GIGYF2: variants seen among roughly 807,000 people sequenced by gnomAD.
GIGYF2 encodes the protein GRB10-interacting GYF protein 2.
In GIGYF2, 25 loss-of-function variants were observed where a neutral mutation model predicts 208.1. That is an observed-to-expected ratio of 0.12 (90% CI 0.09 to 0.17). The LOEUF is 0.17. Ranked by LOEUF, GIGYF2 falls within the 10% of genes least tolerant of loss-of-function variation. The probability of loss-of-function intolerance (pLI) is 1.00; values close to 1 mark genes in which losing one functional copy is unlikely to be tolerated. For missense variants in GIGYF2, 1,302 were observed against 1,579.4 expected (o/e 0.82, Z 2.98); for synonymous variants, 534 against 543.8 (o/e 0.98, Z 0.25).
chr2:232,822,320 C>T (rs1037516455), intron 21 of GIGYF2, among the ~76,000 whole-genome samples: 4 of 152,134 alleles, frequency 2.6e-5, no homozygotes, highest in African/African-American at 9.7e-5. Context: ...TTTCGTTATA[C>T]AGGTTATGTA....
intron 9 of GIGYF2, chr2:232,788,384 T>C: frequency 4.3e-6 from 1 of 231,726 alleles, no homozygotes; most frequent in Non-Finnish European, 9.4e-6. Context: ...GTGGGCATTG[T>C]TTACATCACA....
chr2:232,745,499 T>C lies in GIGYF2; in HGVS notation c.42-2116T>C, dbSNP rs562210824. ...TTAATAATTGCTGTGAATTGAAATATATTAATAAAATAATGTGTTACTGTT... is the reference window on the plus strand; with the variant it reads ...TTAATAATTGCTGTGAATTGAAATACATTAATAAAATAATGTGTTACTGTT... On this transcript the variant is annotated intron_variant, in intron 3 of 28. Transcript: ENST00000373563. 2.0e-5 allele frequency among the ~76,000 whole-genome samples: 3 copies of C among 152,328 alleles called. No homozygotes were observed. The South Asian group carries it at 6.2e-4, about 32-fold the overall frequency.
chr2:232,720,040 A>G (rs1696866438), intron 2 of GIGYF2, among the ~76,000 whole-genome samples: 1 of 152,150 alleles, frequency 6.6e-6, no homozygotes, highest in Non-Finnish European at 1.5e-5. Flanking sequence ...GGTTTTCTGC[A>G]CCCATTAACT....
At chr2:232,745,509 A>G (rs1698118800) in intron 3 of GIGYF2, among the ~76,000 whole-genome samples, 2 of 152,216 alleles carry the variant, frequency 1.3e-5, no homozygotes, top group African/African-American at 4.8e-5. Flanking sequence ...TATTAATAAA[A>G]TAATGTGTTA....
In GIGYF2 at chr2:232,850,449, G is replaced by A. The variant is rs1246913778; in HGVS notation, c.3832+40G>A. On this transcript the variant is annotated intron_variant, in intron 28 of 28. Transcript: ENST00000373563. ...AGTCTCAGCTGAGTGTTGGAGGAGT[G>A]CAGGTGATACCAGTTATCCTGTGTG... is the stretch of plus-strand genomic sequence containing the variant. 1.5e-5 allele frequency: 24 copies of A among 1,574,250 alleles called. 1 individual carries two copies. The highest frequency in any genetic ancestry group is 2.0e-5 in the Non-Finnish European group (23 of 1,143,878).
intron 9 of GIGYF2, among the ~76,000 whole-genome samples, chr2:232,787,755 T>C (rs1276843799): frequency 6.6e-6 from 1 of 152,232 alleles, no homozygotes; most frequent in Admixed American, 6.5e-5. Context: ...ATTTTTTCCC[T>C]TTTGAAAATG....
chr2:232,774,054 G>C (rs1213464238), intron 8 of GIGYF2, among the ~76,000 whole-genome samples: 2 of 151,930 alleles, frequency 1.3e-5, no homozygotes. Flanking sequence ...CGTTGAGTCG[G>C]GAGGATTGCT....
At chr2:232,710,362 T>G (rs1353392445) in intron 2 of GIGYF2, among the ~76,000 whole-genome samples, 4 of 152,138 alleles carry the variant, frequency 2.6e-5, no homozygotes, top group Non-Finnish European at 5.9e-5. Context: ...ATGCTTGAGA[T>G]TACAGGTATC....
chr2:232,715,798 T>C (rs1012871751), intron 2 of GIGYF2, among the ~76,000 whole-genome samples: 63 of 148,214 alleles, frequency 4.3e-4, no homozygotes, highest in Non-Finnish European at 7.0e-4. Context: ...TTTTCTGTTA[T>C]AATAGATGGG....
intron 14 of GIGYF2, among the ~76,000 whole-genome samples, chr2:232,797,981 CAAAAA>C (rs57991158): frequency 0.014 from 1,457 of 102,278 alleles, 37 homozygotes; most frequent in African/African-American, 0.052. Context: ...ACTGTGCCTC[CAAAAA>C]AAAAAAAAAA....
At chr2:232,819,740 C>A in intron 20 of GIGYF2, 87 bp from the exon 21 acceptor site, 1 of 779,646 alleles carries the variant, frequency 1.3e-6, no homozygotes, top group Non-Finnish European at 2.3e-6. Flanking sequence ...CAGCAGATAG[C>A]CTATTACTTT....
chr2:232,768,405 G>A lies in GIGYF2; in HGVS notation c.532+6969G>A, dbSNP rs17853727. 2.0e-5 allele frequency: 32 copies of A among 1,613,976 alleles called. No homozygotes were observed. Among genetic ancestry groups the A allele is most frequent in the Non-Finnish European group, 2.5e-5 (30 of 1,179,992 alleles). ...ACAGTGATGTAACATGATTTCAGAC[G>A]GTAGGTAGGATGTCCTCCTTTGGCA... On this transcript the variant is annotated intron_variant, in intron 8 of 28. Transcript: ENST00000373563.
chr2:232,708,237 G>A (rs930596892), intron 2 of GIGYF2, among the ~76,000 whole-genome samples: 49 of 152,316 alleles, frequency 3.2e-4, no homozygotes, highest in African/African-American at 1.2e-3. Context: ...TAGGATTACA[G>A]GCGTGAGCCT....
chr2:232,842,622 A>G (rs1230864271), intron 23 of GIGYF2, among the ~76,000 whole-genome samples: 2 of 152,086 alleles, frequency 1.3e-5, no homozygotes, highest in African/African-American at 2.4e-5. Flanking sequence ...GTTTGTTCCT[A>G]TTTACAAATA....
Position 232,845,813 on chromosome 2 carries a change from T to G in GIGYF2, c.3387T>G (p.Asn1129Lys). The change falls in exon 26 of 29, where the codon AAT becomes AAG. Residue 1129 changes from asparagine (N) to lysine (K), a missense_variant. This residue lies in a region of GIGYF2 where 701 missense variants were observed against 793.0 expected (regional missense o/e 0.88). Transcript: ENST00000373563. ...EKLLKLFQGV[N>K]KAQDGFTQWC... ...TGCTGAAGCTCTTTCAGGGAGTAAA[T>G]AAAGCCCAAGATGGATTTACGCAGT... 6.2e-7 allele frequency: 1 copy of G among 1,613,572 alleles called. No homozygotes were observed. The highest frequency in any genetic ancestry group is 8.5e-7 in the Non-Finnish European group (1 of 1,179,538).
chr2:232,762,611 G>C (rs965139594), intron 8 of GIGYF2, among the ~76,000 whole-genome samples: 2 of 152,108 alleles, frequency 1.3e-5, no homozygotes, highest in African/African-American at 4.8e-5. Context: ...AGACTGACTT[G>C]CAGATTGTTT....
chr2:232,844,345 C>G (rs1390164858), intron 24 of GIGYF2, 24 bp from the exon 25 acceptor site: 1 of 1,611,708 alleles, frequency 6.2e-7, no homozygotes, highest in Non-Finnish European at 8.5e-7. Flanking sequence ...TCACGATAAT[C>G]ATTTTTCTCT....
At chr2:232,776,508 C>T in intron 8 of GIGYF2, 1 of 1,275,598 alleles carries the variant, frequency 7.8e-7, no homozygotes, top group Non-Finnish European at 1.1e-6. Context: ...CAGAGTCTGC[C>T]TTTTTGATCA....
At chr2:232,813,346 T>C (rs1700797798) in intron 18 of GIGYF2, among the ~76,000 whole-genome samples, 1 of 106,922 alleles carries the variant, frequency 9.4e-6, no homozygotes, top group African/African-American at 2.7e-5. Context: ...CTATCACACC[T>C]GACTGGGTGT....
Sources: gnomAD v4.1 joint callset for allele counts (sites outside exome capture counted in the v4.1 genomes callset) on GRCh38, gnomAD v4.1.1 for gene constraint, gnomAD v4.1.1 regional missense constraint, MANE v1.5 for transcripts, NCBI Gene and HGNC (gene_info 2026-07-23, HGNC 2026-07-21) for gene names.